The following MAPKAP1 variants were observed in gnomAD, a reference collection of about 807,000 sequenced individuals.
The protein encoded by MAPKAP1 is MAPK associated protein 1.
In MAPKAP1, 20 loss-of-function variants were observed where a neutral mutation model predicts 65.7. The observed-to-expected ratio is 0.30, with a 90% CI of 0.21 to 0.44. MAPKAP1 has a LOEUF of 0.44. MAPKAP1 is among the 20% of genes least tolerant of loss of function. The probability of loss-of-function intolerance (pLI) is 1.00; values close to 1 mark genes in which losing one functional copy is unlikely to be tolerated. For missense variants in MAPKAP1, 423 were observed against 648.0 expected, an observed-to-expected ratio of 0.65 and a Z score of 3.77; for synonymous variants, 222 against 244.3, an observed-to-expected ratio of 0.91 and a Z score of 0.85.
chr9:125,553,069 T>C (rs1159180749), intron 6 of MAPKAP1, among the ~76,000 whole-genome samples: 2 of 152,128 alleles, frequency 1.3e-5, no homozygotes, highest in Non-Finnish European at 2.9e-5. Context: ...TTTATATATG[T>C]CACTGTGTGT....
intron 4 of MAPKAP1, among the ~76,000 whole-genome samples, chr9:125,640,200 T>A (rs1354449096): frequency 6.6e-6 from 1 of 151,750 alleles, no homozygotes; most frequent in East Asian, 1.9e-4. Context: ...GCCTCCTGAG[T>A]TCATGCCATT....
chr9:125,506,018 A>C, intron 8 of MAPKAP1: 1 of 426,376 alleles, frequency 2.3e-6, no homozygotes. Context: ...TACTTCAGAA[A>C]AGGCCTCATG....
At chr9:125,458,667 C>T (rs1307924650) in intron 10 of MAPKAP1, among the ~76,000 whole-genome samples, 158 of 150,662 alleles carry the variant, frequency 1.0e-3, no homozygotes, top group African/African-American at 3.6e-3. Flanking sequence ...TTCCCCACCC[C>T]TCCCCCCTTT....
intron 7 of MAPKAP1, among the ~76,000 whole-genome samples, chr9:125,507,629 C>G (rs1037810603): frequency 1.3e-5 from 2 of 152,200 alleles, no homozygotes; most frequent in Non-Finnish European, 2.9e-5. Context: ...TTTTCTCTAA[C>G]TGGTATTTCA....
chr9:125,549,490 C>T (rs1830522891), intron 6 of MAPKAP1, among the ~76,000 whole-genome samples: 1 of 152,212 alleles, frequency 6.6e-6, no homozygotes. Flanking sequence ...GTGTGAATGC[C>T]ACATTTTGTT....
At chr9:125,638,982 C>CGA (rs1281766144) in intron 4 of MAPKAP1, among the ~76,000 whole-genome samples, 2 of 152,054 alleles carry the variant, frequency 1.3e-5, no homozygotes, top group African/African-American at 4.8e-5. Flanking sequence ...TTTAAGAACT[C>CGA]TATCTGAACA....
intron 1 of MAPKAP1, among the ~76,000 whole-genome samples, chr9:125,692,454 T>C (rs939278573): frequency 4.6e-5 from 7 of 152,166 alleles, no homozygotes; most frequent in African/African-American, 7.2e-5. Flanking sequence ...GGCAAATCCA[T>C]AGAGACAGAA....
intron 4 of MAPKAP1, among the ~76,000 whole-genome samples, chr9:125,591,010 G>C (rs1177938498): frequency 6.6e-6 from 1 of 152,176 alleles, no homozygotes; most frequent in Non-Finnish European, 1.5e-5. Context: ...CTGACCTCAA[G>C]TGATCCGCCC....
At chr9:125,444,190 G>A (rs1175364311) in intron 11 of MAPKAP1, among the ~76,000 whole-genome samples, 1 of 152,248 alleles carries the variant, frequency 6.6e-6, no homozygotes, top group African/African-American at 2.4e-5. Context: ...ATGGTTGCAG[G>A]AAAATAAACA....
intron 9 of MAPKAP1, among the ~76,000 whole-genome samples, chr9:125,474,107 G>C (rs181240407): frequency 1.1e-3 from 166 of 152,206 alleles, no homozygotes; most frequent in Admixed American, 2.7e-3. Context: ...GGTCGAGTCT[G>C]GGGAGCTCAG....
At chr9:125,589,024 T>G (rs559050930) in intron 4 of MAPKAP1, among the ~76,000 whole-genome samples, 1 of 152,318 alleles carries the variant, frequency 6.6e-6, no homozygotes, top group East Asian at 1.9e-4. Context: ...GAGGCTCTTT[T>G]TCATGGCTTT....
At chr9:125,637,132 G>T (rs1318503438) in intron 4 of MAPKAP1, among the ~76,000 whole-genome samples, 1 of 152,002 alleles carries the variant, frequency 6.6e-6, no homozygotes, top group Admixed American at 6.6e-5. Context: ...AGCCGGATGT[G>T]GTGGCGCACA....
At chr9:125,658,431 C>A (rs985864273) in intron 3 of MAPKAP1, among the ~76,000 whole-genome samples, 8 of 152,224 alleles carry the variant, frequency 5.3e-5, no homozygotes, top group Non-Finnish European at 8.8e-5. Context: ...CAATATATCT[C>A]ATTTAATCCT....
chr9:125,629,557 T>C (rs1389880136), intron 4 of MAPKAP1, among the ~76,000 whole-genome samples: 2 of 152,194 alleles, frequency 1.3e-5, no homozygotes, highest in Admixed American at 1.3e-4. Flanking sequence ...ATGAGGGATC[T>C]AAAGCATTCA....
chr9:125,625,271 A>AC (rs1564589709), intron 4 of MAPKAP1, among the ~76,000 whole-genome samples: 2 of 147,384 alleles, frequency 1.4e-5, no homozygotes, highest in East Asian at 1.9e-4. Context: ...AAAAAAAAAA[A>AC]AAAAAAAAAC....
chr9:125,465,073 C>T (rs753417347), intron 10 of MAPKAP1, among the ~76,000 whole-genome samples: 7 of 152,230 alleles, frequency 4.6e-5, no homozygotes, highest in African/African-American at 9.7e-5. Flanking sequence ...TCTGTTTTCA[C>T]AACTAAATTA....
chr9:125,671,839 A>G (rs894123764), intron 2 of MAPKAP1, among the ~76,000 whole-genome samples: 7 of 152,040 alleles, frequency 4.6e-5, no homozygotes. Context: ...CAGCCCTAAC[A>G]AATACTCAGG....
At chr9:125,536,803 C>T (rs1166984024) in intron 7 of MAPKAP1, among the ~76,000 whole-genome samples, 1 of 152,174 alleles carries the variant, frequency 6.6e-6, no homozygotes, top group Non-Finnish European at 1.5e-5. Context: ...GCATTTCAGG[C>T]TAGAAGGGTG....
At chr9:125,551,854 C>T (rs1225758576) in intron 6 of MAPKAP1, among the ~76,000 whole-genome samples, 1 of 152,196 alleles carries the variant, frequency 6.6e-6, no homozygotes, top group African/African-American at 2.4e-5. Flanking sequence ...AGGCAGGTCC[C>T]TATCCTTGAG....
Sources: allele counts gnomAD v4.1 joint callset (sites outside exome capture counted in the v4.1 genomes callset), GRCh38; gene constraint gnomAD v4.1.1; transcripts MANE v1.5; gene names NCBI Gene and HGNC (gene_info 2026-07-23, HGNC 2026-07-21).